Variants in RBM15B observed in about 807,000 individuals in gnomAD.
RBM15B encodes the protein RNA binding motif protein 15B.
In RBM15B, 11 loss-of-function variants were observed where a neutral mutation model predicts 53.3. That is an observed-to-expected ratio of 0.21 (90% CI 0.13 to 0.34). RBM15B has a LOEUF of 0.34. Ranked by LOEUF, RBM15B falls within the 10% of genes least tolerant of loss-of-function variation. The pLI is 1.00. For synonymous variants in RBM15B, 631 were observed against 540.7 expected (o/e 1.17, Z -2.32); for missense variants, 1,136 against 1,250.3 (o/e 0.91, Z 1.38).
rs2089078151 is a variant in RBM15B at position 51,393,590 on chromosome 3, A to G, written c.2191A>G (p.Ser731Gly). ...GAATGGGCTTCTGGTGTTGAAAAAC[A>G]GCTGCTTCCCCACGTCTATGCATAT... ...GWNGLLVLKN[S>G]CFPTSMHILE... Residue 731 changes from serine (S) to glycine (G), a missense_variant, in exon 1 of 1, where the codon AGC (serine) becomes GGC (glycine). Around this residue, in one of 7 missense-constraint regions of RBM15B, gnomAD observed 578 missense variants for 581.6 expected, o/e 0.99. Transcript: ENST00000563281. The surrounding 1 kb of genome is among the most constrained non-coding windows in gnomAD (Gnocchi z 5.6). The G allele has an allele frequency of 6.2e-7, 1 of 1,614,016 alleles. No individual in the cohort carries two copies. Among genetic ancestry groups the G allele is most frequent in the African/African-American group, 1.3e-5 (1 of 74,922 alleles).
rs1385201846 is a variant in RBM15B at position 51,394,336 on chromosome 3, A to AT, written c.*270dup. ...GTCTGCTGTGGTTCTGTATTTTTTT[A>AT]TTTTTTGACCAACTGTATGGAAAGT... On this transcript the variant is annotated 3_prime_UTR_variant, in exon 1 of 1. Transcript: ENST00000563281. 3 of 389,218 alleles carry AT rather than the reference A, an allele frequency of 7.7e-6. No individual in the cohort carries two copies. The highest frequency in any genetic ancestry group is 1.3e-5 in the Non-Finnish European group (3 of 227,890). 24.1% of individuals were successfully genotyped at this position (389,218 alleles called of 1,614,324 possible).
rs895515513 is a variant in RBM15B, at chr3:51,397,340, G to A, written c.*3268G>A. 1.2e-5 allele frequency: 2 copies of A among 167,086 alleles called. No individual in the cohort carries two copies. The highest frequency in any genetic ancestry group is 6.5e-5 in the Admixed American group (1 of 15,294). The allele number at this position is 167,086 out of a possible 1,614,324, so 10.4% of individuals were successfully genotyped here. A position where few individuals can be genotyped will look rare whatever the true frequency, so the allele number is the denominator to read the frequency against. On this transcript the variant is annotated 3_prime_UTR_variant, in exon 1 of 1. Transcript: ENST00000563281. The stretch of plus-strand genomic sequence containing the variant: ...CCATAGGCCAATTTTAGGGGCCTCT[G>A]AAGTATCTTTCTACAAACGCAGACA...
In RBM15B at chr3:51,392,503, C is replaced by T. The variant is rs782525497; in HGVS notation, c.1104C>T (p.Ile368=). ...ATGGCATCATCGAGGAGGTGGTCAT[C>T]AAGAGGCCTGCCCGTGGCCAGGGCG... is the stretch of plus-strand genomic sequence containing the variant. ...EKYGIIEEVV[I]KRPARGQGGA... The change falls in exon 1 of 1, where the codon ATC becomes ATT. Residue 368 remains isoleucine, a synonymous_variant. Coordinates refer to ENST00000563281, the MANE Select transcript of RBM15B (RefSeq NM_013286.5). The surrounding 1 kb of genome is among the most constrained non-coding windows in gnomAD (Gnocchi z 7.5). 15 of 1,613,804 alleles carry T rather than the reference C, an allele frequency of 9.3e-6. No homozygotes were observed. The highest frequency in any genetic ancestry group is 3.3e-5 in the Admixed American group (2 of 60,012).
chr3:51,392,456 C>T lies in RBM15B; in HGVS notation c.1057C>T (p.Leu353=), dbSNP rs782736245. The change falls in exon 1 of 1, where the codon CTG becomes TTG. Residue 353 remains leucine (L), a synonymous_variant. Transcript: ENST00000563281. The surrounding 1 kb of genome is among the most constrained non-coding windows in gnomAD (Gnocchi z 7.5). ...GGACCACAGCGTATCTGAGGTGGAG[C>T]TGCGAAGGGCCTTCGAGAAATATGG... ...NLDHSVSEVE[L]RRAFEKYGII... 4.3e-6 allele frequency: 7 copies of T among 1,613,994 alleles called. No individual in the cohort carries two copies. In the Admixed American group the frequency reaches 5.0e-5, roughly 12 times the overall value.
rs1156428714 is a variant in RBM15B, at chr3:51,393,743, C to T, written c.2344C>T (p.Arg782Cys). 6.2e-7 allele frequency: 1 copy of T among 1,613,724 alleles called. No individual in the cohort carries two copies. Among genetic ancestry groups the T allele is most frequent in the Non-Finnish European group, 8.5e-7 (1 of 1,180,026 alleles). ...DQPKLDEVTR[R>C]IKQGSPNGYA... Reference sequence around the variant, plus strand: ...GCCCAAGCTTGACGAGGTCACACGACGCATCAAGCAGGGGAGCCCCAACGG... The same window carrying T: ...GCCCAAGCTTGACGAGGTCACACGATGCATCAAGCAGGGGAGCCCCAACGG... Residue 782 changes from arginine to cysteine, a missense_variant, in exon 1 of 1, where the codon CGC becomes TGC. This residue lies in a region of RBM15B where 578 missense variants were observed against 581.6 expected (regional missense o/e 0.99). Coordinates refer to ENST00000563281, the MANE Select transcript of RBM15B (RefSeq NM_013286.5). The surrounding 1 kb of genome is among the most constrained non-coding windows in gnomAD (Gnocchi z 5.6).
Position 51,395,615 on chromosome 3 carries a change from A to AGAT in RBM15B, c.*1547_*1549dup, listed in dbSNP as rs1370678673. The AGAT allele has an allele frequency of 2.1e-4, 84 of 408,032 alleles. No individual in the cohort carries two copies. Among genetic ancestry groups the AGAT allele is most frequent in the African/African-American group, 1.3e-3 (64 of 48,676 alleles). The allele number at this position is 408,032 out of a possible 1,614,324, so 25.3% of individuals were successfully genotyped here. On this transcript the variant is annotated 3_prime_UTR_variant, in exon 1 of 1. Transcript: ENST00000563281. ...AGCTCTGGTAAGCGAATGAGCCCCT[A>AGAT]GATGATAACCAGGAACTCCAGGTTC...
Position 51,391,484 on chromosome 3 carries a change from G to A in RBM15B, c.85G>A (p.Glu29Lys), listed in dbSNP as rs1553621508. ...SAKRPREREREAEAGGRRAAH... is the reference protein window; with the variant it reads ...SAKRPRERERKAEAGGRRAAH... ...CAAGCGTCCGCGGGAGCGCGAACGG[G>A]AGGCGGAGGCGGGCGGGCGGCGGGC... Residue 29 changes from glutamate (E) to lysine (K), a missense_variant, in exon 1 of 1, where the codon GAG becomes AAG. By Grantham distance (56) the Glu-to-Lys change is moderately conservative. Transcript: ENST00000563281. This position sits in a 1 kb window ranked among gnomAD's most constrained non-coding sequence, Gnocchi z 4.5. 1 of 1,234,348 alleles carries A rather than the reference G, an allele frequency of 8.1e-7. No homozygotes were observed. The highest frequency in any genetic ancestry group is 3.0e-5 in the South Asian group (1 of 33,572). The allele number at this position is 1,234,348 out of a possible 1,614,324, so 76.5% of individuals were successfully genotyped here. A position where few individuals can be genotyped will look rare whatever the true frequency, so the allele number is the denominator to read the frequency against.
Position 51,391,466 on chromosome 3 carries a change from C to T in RBM15B, c.67C>T (p.Pro23Ser). 8.0e-7 allele frequency: 1 copy of T among 1,257,684 alleles called. No individual in the cohort carries two copies. The highest frequency in any genetic ancestry group is 1.0e-6 in the Non-Finnish European group (1 of 998,710). 77.9% of individuals were successfully genotyped at this position (1,257,684 alleles called of 1,614,324 possible). A position where few individuals can be genotyped will look rare whatever the true frequency, so the allele number is the denominator to read the frequency against. ...CGGCTCGTCATCGTCCGCCAAGCGT[C>T]CGCGGGAGCGCGAACGGGAGGCGGA... ...GRGSSSSAKR[P>S]REREREAEAG... The change falls in exon 1 of 1, where the codon CCG becomes TCG. Residue 23 changes from proline (P) to serine (S), a missense_variant. Physicochemically the swap from Pro to Ser is moderately conservative, Grantham distance 74. This residue lies in a region of RBM15B where 257 missense variants were observed against 261.1 expected (regional missense o/e 0.98). Transcript: ENST00000563281. The surrounding 1 kb of genome is among the most constrained non-coding windows in gnomAD (Gnocchi z 4.5).
In RBM15B at chr3:51,394,555, A is replaced by G; in HGVS notation, c.*483A>G. 1 of 163,928 alleles carries G rather than the reference A, an allele frequency of 6.1e-6. No homozygotes were observed. 10.2% of individuals were successfully genotyped at this position (163,928 alleles called of 1,614,324 possible). On this transcript the variant is annotated 3_prime_UTR_variant, in exon 1 of 1. Coordinates refer to ENST00000563281, the MANE Select transcript of RBM15B (RefSeq NM_013286.5). The stretch of plus-strand genomic sequence containing the variant: ...CAGGCTCAGTCTGGACTCTACTTAC[A>G]CTCATTTTTATCTTGGCTGACAGCA...
In RBM15B at chr3:51,392,039, G is replaced by A. The variant is rs782519772; in HGVS notation, c.640G>A (p.Val214Ile). 32 of 1,597,032 alleles carry A rather than the reference G, an allele frequency of 2.0e-5. No homozygotes were observed. The South Asian group carries it at 3.1e-4, about 15-fold the overall frequency. ...GCTGCTCTACGACCGCCCGCTCAAG[G>A]TAGAGCCCGTGTACCTGCGTGGCGG... is the stretch of plus-strand genomic sequence containing the variant. ...QLLLYDRPLK[V>I]EPVYLRGGGG... Residue 214 changes from valine (V) to isoleucine (I), a missense_variant, in exon 1 of 1, where the codon GTA becomes ATA. By Grantham distance (29) the Val-to-Ile change is conservative. This residue lies in a region of RBM15B where 204 missense variants were observed against 196.8 expected (regional missense o/e 1.04). Transcript: ENST00000563281. This position sits in a 1 kb window ranked among gnomAD's most constrained non-coding sequence, Gnocchi z 7.5.
In RBM15B at chr3:51,392,548, G is replaced by A. The variant is rs782296181; in HGVS notation, c.1149G>A (p.Lys383=). The A allele has an allele frequency of 1.2e-6, 2 of 1,613,948 alleles. No homozygotes were observed. The highest frequency in any genetic ancestry group is 3.3e-5 in the Admixed American group (2 of 60,034). The stretch of plus-strand genomic sequence containing the variant: ...AGGGCGGTGCCTATGCCTTCCTCAA[G>A]TTCCAGAACCTGGACATGGCCCATA... ...RGQGGAYAFL[K]FQNLDMAHRA... The change falls in exon 1 of 1, where the codon AAG becomes AAA. Residue 383 remains lysine (K), a synonymous_variant. Coordinates refer to ENST00000563281, the MANE Select transcript of RBM15B (RefSeq NM_013286.5). The surrounding 1 kb of genome is among the most constrained non-coding windows in gnomAD (Gnocchi z 7.5).
rs782695485 is a variant in RBM15B, at chr3:51,392,249, G to A, written c.850G>A (p.Ala284Thr). Residue 284 changes from alanine to threonine, a missense_variant, in exon 1 of 1, where the codon GCA becomes ACA. Around this residue, in one of 7 missense-constraint regions of RBM15B, gnomAD observed 204 missense variants for 196.8 expected, o/e 1.04. Transcript: ENST00000563281. The surrounding 1 kb of genome is among the most constrained non-coding windows in gnomAD (Gnocchi z 7.5). ...LREPRARHAA[A>T]AFALDAAAAA... ...GGAGCCCCGTGCCCGTCACGCCGCC[G>A]CAGCCTTCGCCCTGGATGCCGCTGC... is the stretch of plus-strand genomic sequence containing the variant. 1.3e-6 allele frequency: 2 copies of A among 1,589,694 alleles called. No individual in the cohort carries two copies. The highest frequency in any genetic ancestry group is 1.3e-5 in the African/African-American group (1 of 74,570).
In RBM15B at chr3:51,392,797, C is replaced by G. The variant is rs781844253; in HGVS notation, c.1398C>G (p.Ala466=). Residue 466 remains alanine (A), a synonymous_variant, in exon 1 of 1, where the codon GCC becomes GCG. Transcript: ENST00000563281. This position sits in a 1 kb window ranked among gnomAD's most constrained non-coding sequence, Gnocchi z 7.5. The stretch of plus-strand genomic sequence containing the variant: ...TTCAGTACGAGAGCTTGGACGCAGC[C>G]CAGGCCGCCTGTGCTAAAATGAGGG... The part of the protein sequence containing the change: ...AYIQYESLDA[A]QAACAKMRGF... 2.3e-5 allele frequency: 37 copies of G among 1,613,982 alleles called. No individual in the cohort carries two copies. In the Admixed American group the frequency reaches 6.2e-4, roughly 27 times the overall value.
At position 51,393,431 on chromosome 3, in the gene RBM15B, G is replaced by A. The variant is rs368802231; in HGVS notation, c.2032G>A (p.Gly678Arg). ...HHHEAADSSH[G>R]KKARDSERNH... ...CCACGAGGCTGCAGACTCTTCCCAC[G>A]GGAAGAAGGCAAGAGACAGCGAGCG... Residue 678 changes from glycine (G) to arginine (R), a missense_variant, in exon 1 of 1, where the codon GGG becomes AGG. By Grantham distance (125) the Gly-to-Arg change is moderately radical. Around this residue, in one of 7 missense-constraint regions of RBM15B, gnomAD observed 578 missense variants for 581.6 expected, o/e 0.99. Coordinates refer to ENST00000563281, the MANE Select transcript of RBM15B (RefSeq NM_013286.5). This position sits in a 1 kb window ranked among gnomAD's most constrained non-coding sequence, Gnocchi z 5.6. The A allele has an allele frequency of 1.2e-5, 19 of 1,613,722 alleles. No homozygotes were observed. Among genetic ancestry groups the A allele is most frequent in the Admixed American group, 1.7e-5 (1 of 60,002 alleles).
rs1351894294 is a variant in RBM15B at position 51,397,776 on chromosome 3, G to A, written c.*3704G>A. ...TCTCCTGGAAGGTGTCTTCTCTATGGCCTGGCTAGAGCTGCAAAAAAGGGA... is the reference window on the plus strand; with the variant it reads ...TCTCCTGGAAGGTGTCTTCTCTATGACCTGGCTAGAGCTGCAAAAAAGGGA... On this transcript the variant is annotated 3_prime_UTR_variant, in exon 1 of 1. Transcript: ENST00000563281. 6.0e-6 allele frequency: 1 copy of A among 167,038 alleles called. No homozygotes were observed. The highest frequency in any genetic ancestry group is 1.5e-5 in the Non-Finnish European group (1 of 68,130). 10.3% of individuals were successfully genotyped at this position (167,038 alleles called of 1,614,324 possible).
chr3:51,392,247 C>T lies in RBM15B; in HGVS notation c.848C>T (p.Ala283Val). 1 of 1,587,600 alleles carries T rather than the reference C, an allele frequency of 6.3e-7. No individual in the cohort carries two copies. Residue 283 changes from alanine to valine, a missense_variant, in exon 1 of 1, where the codon GCC becomes GTC. Physicochemically the swap from Ala to Val is moderately conservative, Grantham distance 64. Coordinates refer to ENST00000563281, the MANE Select transcript of RBM15B (RefSeq NM_013286.5). The surrounding 1 kb of genome is among the most constrained non-coding windows in gnomAD (Gnocchi z 7.5). ...PLREPRARHA[A>V]AAFALDAAAA... ...CGGGAGCCCCGTGCCCGTCACGCCG[C>T]CGCAGCCTTCGCCCTGGATGCCGCT... is the stretch of plus-strand genomic sequence containing the variant.
Position 51,392,960 on chromosome 3 carries a change from C to G in RBM15B, c.1561C>G (p.Arg521Gly). ...ELLTDGYTRH[R>G]NLDADLVRDR... ...GCTCACAGATGGATACACCCGGCAC[C>G]GCAACCTGGACGCCGACCTGGTGCG... Residue 521 changes from arginine to glycine, a missense_variant, in exon 1 of 1, where the codon CGC (arginine) becomes GGC (glycine). Arg to Gly is a moderately radical substitution (Grantham distance 125, BLOSUM62 -2). This residue lies in a region of RBM15B where 578 missense variants were observed against 581.6 expected (regional missense o/e 0.99). Transcript: ENST00000563281. The surrounding 1 kb of genome is among the most constrained non-coding windows in gnomAD (Gnocchi z 7.5). 6.2e-7 allele frequency: 1 copy of G among 1,613,800 alleles called. No homozygotes were observed. Among genetic ancestry groups the G allele is most frequent in the Non-Finnish European group, 8.5e-7 (1 of 1,180,024 alleles).
At position 51,392,441 on chromosome 3, in the gene RBM15B, G is replaced by T; in HGVS notation, c.1042G>T (p.Val348Leu). ...NLFIGNLDHS[V>L]SEVELRRAFE... is the part of the protein sequence containing the mutation. ...CTTCATTGGTAACCTGGACCACAGC[G>T]TATCTGAGGTGGAGCTGCGAAGGGC... Residue 348 changes from valine (V) to leucine (L), a missense_variant, in exon 1 of 1, where the codon GTA (valine) becomes TTA (leucine). By Grantham distance (32) the Val-to-Leu change is conservative (BLOSUM62 1). Transcript: ENST00000563281. This position sits in a 1 kb window ranked among gnomAD's most constrained non-coding sequence, Gnocchi z 7.5. 6.2e-7 allele frequency: 1 copy of T among 1,614,016 alleles called. No homozygotes were observed. The highest frequency in any genetic ancestry group is 8.5e-7 in the Non-Finnish European group (1 of 1,180,032).
At position 51,393,652 on chromosome 3, in the gene RBM15B, C is replaced by G. The variant is rs782348559; in HGVS notation, c.2253C>G (p.Leu751=). The part of the protein sequence containing the change: ...EGDQGVISSL[L]KDHTSGSKLT... ...ACCAGGGGGTGATCAGCAGTCTCCT[C>G]AAAGACCACACTTCTGGGAGCAAGC... The change falls in exon 1 of 1, where the codon CTC becomes CTG. Residue 751 remains leucine (L), a synonymous_variant. Coordinates refer to ENST00000563281, the MANE Select transcript of RBM15B (RefSeq NM_013286.5). This position sits in a 1 kb window ranked among gnomAD's most constrained non-coding sequence, Gnocchi z 5.6. 9 of 1,612,778 alleles carry G rather than the reference C, an allele frequency of 5.6e-6. No homozygotes were observed. The highest frequency in any genetic ancestry group is 7.6e-6 in the Non-Finnish European group (9 of 1,179,316).
Sources: gnomAD v4.1 joint callset for allele counts on GRCh38, gnomAD v4.1.1 for gene constraint, gnomAD v4.1.1 regional missense constraint, Gnocchi (gnomAD v3.1) non-coding constraint, MANE v1.5 for transcripts, NCBI Gene and HGNC (gene_info 2026-07-23, HGNC 2026-07-21) for gene names.